PIAS2: variants seen among roughly 807,000 people sequenced by gnomAD.
PIAS2 encodes the protein E3 SUMO-protein ligase PIAS2.
PIAS2 carries 19 observed loss-of-function variants against 69.7 expected under a neutral mutation model. That is an observed-to-expected ratio of 0.27 (90% confidence interval 0.19 to 0.40). The LOEUF is 0.40. PIAS2 is among the 10% of genes least tolerant of loss of function. The pLI is 1.00. For synonymous variants in PIAS2, 261 were observed against 263.2 expected (o/e 0.99, Z 0.08); for missense variants, 624 against 757.0 (o/e 0.82, Z 2.06).
chr18:46,908,731 G>A (rs920583643), intron 1 of PIAS2, among the ~76,000 whole-genome samples: 11 of 152,156 alleles, frequency 7.2e-5, no homozygotes, highest in Non-Finnish European at 1.5e-4. Flanking sequence ...GCATAAGGCT[G>A]GATGCAGTTG....
chr18:46,842,972 A>G (rs1375002273), intron 8 of PIAS2, among the ~76,000 whole-genome samples: 1 of 152,246 alleles, frequency 6.6e-6, no homozygotes, highest in Admixed American at 6.5e-5. Context: ...AAAGATCTGC[A>G]AATACCACTT....
chr18:46,806,293 T>G lies in PIAS2; in HGVS notation c.*6140A>C, dbSNP rs1315266974. 1.1e-4 allele frequency: 16 copies of G among 148,252 alleles called. No homozygotes were observed. The highest frequency in any genetic ancestry group is 3.9e-4 in the African/African-American group (16 of 40,702). The allele number at this position is 148,252 out of a possible 1,614,324, so 9.2% of individuals were successfully genotyped here. A position where few individuals can be genotyped will look rare whatever the true frequency, so the allele number is the denominator to read the frequency against. The stretch of plus-strand genomic sequence containing the variant: ...AAAATGGGGAATAACACCACTTTCC[T>G]CTGAGAAGCCATTGCAAGAATGAGA... On this transcript the variant is annotated 3_prime_UTR_variant, in exon 14 of 14. Transcript: ENST00000585916.
intron 1 of PIAS2, among the ~76,000 whole-genome samples, chr18:46,908,610 C>T (rs188727775): frequency 3.2e-4 from 48 of 152,174 alleles, no homozygotes; most frequent in Admixed American, 9.2e-4. Context: ...AAAATATCTT[C>T]GAGAACTCTG....
Position 46,842,273 on chromosome 18 carries a change from A to C in PIAS2, c.1041+1781T>G, listed in dbSNP as rs536738417. Among the ~76,000 whole-genome samples the C allele has an allele frequency of 2.9e-4, 43 of 146,896 alleles. 1 individual carries two copies. The South Asian group carries it at 8.9e-3, about 30-fold the overall frequency. ...AAAAAAAAAAAAAGGATATGTTATG[A>C]ATGCAAAAAAAAAAAAAAAAATTTA... On this transcript the variant is annotated intron_variant, in intron 8 of 13. Coordinates refer to ENST00000585916, the MANE Select transcript of PIAS2 (RefSeq NM_004671.5).
chr18:46,820,267 T>C (rs1483817247), intron 12 of PIAS2, among the ~76,000 whole-genome samples: 1 of 152,298 alleles, frequency 6.6e-6, no homozygotes, highest in Admixed American at 6.5e-5. Context: ...GTTATAATTG[T>C]TCTATTTTAT....
chr18:46,874,355 A>G, intron 2 of PIAS2, among the ~76,000 whole-genome samples: 1 of 152,212 alleles, frequency 6.6e-6, no homozygotes, highest in South Asian at 2.1e-4. Flanking sequence ...TAGTTAAGGC[A>G]TTAATCAAAA....
At chr18:46,818,233 G>C in intron 12 of PIAS2, 1 of 1,227,074 alleles carries the variant, frequency 8.1e-7, no homozygotes, top group Non-Finnish European at 1.0e-6. Flanking sequence ...TAAATGTTTA[G>C]CACTTTCAAA....
chr18:46,882,738 G>T (rs1598783634), intron 2 of PIAS2, among the ~76,000 whole-genome samples: 3 of 152,142 alleles, frequency 2.0e-5, no homozygotes, highest in East Asian at 1.9e-4. Flanking sequence ...TAGAACTACT[G>T]CAATAAATCT....
intron 1 of PIAS2, among the ~76,000 whole-genome samples, chr18:46,908,436 G>A (rs940664671): frequency 2.6e-5 from 4 of 151,948 alleles, no homozygotes; most frequent in African/African-American, 9.7e-5. Flanking sequence ...GAAAGGTGAT[G>A]GAACAATTTA....
At chr18:46,893,631 A>G (rs574089109) in intron 1 of PIAS2, 1 of 158,868 alleles carries the variant, frequency 6.3e-6, no homozygotes, top group South Asian at 2.0e-4. Flanking sequence ...CAGTCTTTGC[A>G]TTACAAAATG....
Position 46,890,851 on chromosome 18 carries a change from GGATAAATCA to G in PIAS2, c.219_227del (p.Asp74_Ser76del). 6.2e-7 allele frequency: 1 copy of G among 1,614,106 alleles called. No individual in the cohort carries two copies. Among genetic ancestry groups the G allele is most frequent in the Non-Finnish European group, 8.5e-7 (1 of 1,180,008 alleles). ...AACTGAAAACCGATGATTTGATTGTGGATAAATCAGAAAGTCCTTCAAGAGTTCGTGGAT... is the reference window on the plus strand; with the variant it reads ...AACTGAAAACCGATGATTTGATTGTGGAAAGTCCTTCAAGAGTTCGTGGAT... On this transcript the variant is annotated inframe_deletion, in exon 2 of 14. Coordinates refer to ENST00000585916, the MANE Select transcript of PIAS2 (RefSeq NM_004671.5).
chr18:46,823,343 C>T (rs550090520), intron 11 of PIAS2, among the ~76,000 whole-genome samples: 1 of 152,212 alleles, frequency 6.6e-6, no homozygotes, highest in African/African-American at 2.4e-5. Flanking sequence ...CCCACTCCCC[C>T]TTCTCTTCCT....
In PIAS2 at chr18:46,809,675, A is replaced by AACCTCC. The variant is rs1438939334; in HGVS notation, c.*2757_*2758insGGAGGT. Reference sequence around the variant, plus strand: ...GAGGCTGAGGCAGGAGAATCGCTTGAACCCTGTAGGTGGAGGTTGCGGTGA... The same window carrying AACCTCC: ...GAGGCTGAGGCAGGAGAATCGCTTGAACCTCCACCCTGTAGGTGGAGGTTGCGGTGA... On this transcript the variant is annotated 3_prime_UTR_variant, in exon 14 of 14. Coordinates refer to ENST00000585916, the MANE Select transcript of PIAS2 (RefSeq NM_004671.5). 6.6e-6 allele frequency: 1 copy of AACCTCC among 151,886 alleles called. No homozygotes were observed. Among genetic ancestry groups the AACCTCC allele is most frequent in the African/African-American group, 2.4e-5 (1 of 41,158 alleles). 9.4% of individuals were successfully genotyped at this position (151,886 alleles called of 1,614,324 possible).
intron 1 of PIAS2, among the ~76,000 whole-genome samples, chr18:46,909,682 TG>T (rs1256697522): frequency 6.6e-6 from 1 of 152,188 alleles, no homozygotes; most frequent in African/African-American, 2.4e-5. Flanking sequence ...CCAATATTGG[TG>T]AATATGCACA....
chr18:46,820,344 C>G (rs1428605630), intron 12 of PIAS2, among the ~76,000 whole-genome samples: 2 of 152,034 alleles, frequency 1.3e-5, no homozygotes, highest in African/African-American at 4.8e-5. Flanking sequence ...ATGAGTATAT[C>G]TGTATAGAAA....
chr18:46,915,705 G>C (rs2041509357), intron 1 of PIAS2: 1 of 151,462 alleles, frequency 6.6e-6, no homozygotes, highest in South Asian at 2.1e-4. Context: ...TGCTCTATAA[G>C]AGCGAGTAAA....
At chr18:46,860,731 G>T (rs1186676658) in intron 3 of PIAS2, among the ~76,000 whole-genome samples, 1 of 152,138 alleles carries the variant, frequency 6.6e-6, no homozygotes, top group Non-Finnish European at 1.5e-5. Context: ...AAACCCAATA[G>T]TTTGGGGGAC....
chr18:46,867,906 G>A (rs1376801937), intron 2 of PIAS2, among the ~76,000 whole-genome samples: 2 of 152,132 alleles, frequency 1.3e-5, no homozygotes, highest in African/African-American at 4.8e-5. Flanking sequence ...TGCTCTGTGG[G>A]GACACTCATT....
intron 1 of PIAS2, among the ~76,000 whole-genome samples, chr18:46,897,349 CAG>C (rs1326847037): frequency 2.0e-5 from 3 of 152,160 alleles, no homozygotes; most frequent in Non-Finnish European, 4.4e-5. Context: ...CACCAGAAAA[CAG>C]AGAAGCTATC....
Sources: gnomAD v4.1 joint callset for allele counts (sites outside exome capture counted in the v4.1 genomes callset) on GRCh38, gnomAD v4.1.1 for gene constraint, MANE v1.5 for transcripts, NCBI Gene and HGNC (gene_info 2026-07-23, HGNC 2026-07-21) for gene names.